Variants in GPC6 observed in about 807,000 individuals in gnomAD.
The protein encoded by GPC6 is glypican 6.
In GPC6, 14 loss-of-function variants were observed where a neutral mutation model predicts 55.2. The ratio of observed to expected loss-of-function variants is 0.25; its 90% CI spans 0.17 to 0.40. The LOEUF is 0.40. GPC6 is among the 10% of genes least tolerant of loss of function. GPC6 has a pLI of 1.00. For synonymous variants in GPC6, 278 were observed against 259.6 expected (o/e 1.07, Z -0.68); for missense variants, 641 against 708.5 (o/e 0.90, Z 1.08).
intron 3 of GPC6, among the ~76,000 whole-genome samples, chr13:93,868,130 G>A (rs1889025720): frequency 6.6e-6 from 1 of 151,704 alleles, no homozygotes; most frequent in Non-Finnish European, 1.5e-5. Context: ...CTAAAAGTTT[G>A]ATGCATAATA....
rs369485227 is a variant in GPC6, at chr13:93,319,722, T to C, written c.160+92106T>C. ...CGGAAGGAAAGGTGCTTCCACATGC[T>C]GAGTGCATTGCCAAATTAATGAAAA... On this transcript the variant is annotated intron_variant, in intron 1 of 8. Coordinates refer to ENST00000377047, the MANE Select transcript of GPC6 (RefSeq NM_005708.5). Among the ~76,000 whole-genome samples, 20 of 152,252 alleles carry C rather than the reference T, an allele frequency of 1.3e-4. No individual in the cohort carries two copies. The East Asian group carries it at 1.7e-3, about 13-fold the overall frequency.
intron 1 of GPC6, among the ~76,000 whole-genome samples, chr13:93,536,638 G>A (rs1301485308): frequency 1.3e-5 from 2 of 152,104 alleles, no homozygotes; most frequent in African/African-American, 2.4e-5. Flanking sequence ...GGGCATTTTG[G>A]TTGTTTCAAC....
intron 1 of GPC6, among the ~76,000 whole-genome samples, chr13:93,420,412 A>C (rs1876883393): frequency 6.6e-6 from 1 of 152,108 alleles, no homozygotes. Context: ...AATGGCTTTC[A>C]AAGCAGAAGG....
chr13:93,703,325 A>C (rs550163610), intron 2 of GPC6, among the ~76,000 whole-genome samples: 1 of 151,930 alleles, frequency 6.6e-6, no homozygotes, highest in African/African-American at 2.4e-5. Flanking sequence ...AGCAATTACA[A>C]TTGTTAATAT....
At chr13:94,295,182 A>G (rs1021950656) in intron 5 of GPC6, among the ~76,000 whole-genome samples, 5 of 152,086 alleles carry the variant, frequency 3.3e-5, no homozygotes, top group Non-Finnish European at 7.4e-5. Flanking sequence ...ATTTGGGGCA[A>G]ATTTTTTATC....
chr13:93,742,024 G>A (rs1884221557), intron 2 of GPC6, among the ~76,000 whole-genome samples: 1 of 152,210 alleles, frequency 6.6e-6, no homozygotes, highest in African/African-American at 2.4e-5. Flanking sequence ...CTTGAGAGTT[G>A]CTTGATTAGC....
At chr13:93,344,022 T>A (rs1880350606) in intron 1 of GPC6, among the ~76,000 whole-genome samples, 1 of 152,208 alleles carries the variant, frequency 6.6e-6, no homozygotes, top group South Asian at 2.1e-4. Context: ...ATGGTGCCAG[T>A]TGGGATTTGA....
chr13:93,536,401 G>GC (rs953593950), intron 1 of GPC6, among the ~76,000 whole-genome samples: 5 of 151,898 alleles, frequency 3.3e-5, no homozygotes, highest in African/African-American at 4.8e-5. Flanking sequence ...ATTTTCTCCT[G>GC]CCCCCCAGCC....
intron 2 of GPC6, among the ~76,000 whole-genome samples, chr13:93,803,315 A>G (rs913459671): frequency 6.6e-6 from 1 of 152,336 alleles, no homozygotes; most frequent in South Asian, 2.1e-4. Flanking sequence ...TTGAAAGAAG[A>G]TATAGAAATA....
At chr13:94,214,147 GT>G (rs1890163259) in intron 4 of GPC6, among the ~76,000 whole-genome samples, 1 of 152,222 alleles carries the variant, frequency 6.6e-6, no homozygotes, top group African/African-American at 2.4e-5. Context: ...TTTGATTTAT[GT>G]TTCTCCATAA....
At chr13:94,323,963 G>A (rs1011461493) in intron 6 of GPC6, among the ~76,000 whole-genome samples, 8 of 152,078 alleles carry the variant, frequency 5.3e-5, no homozygotes, top group Admixed American at 1.3e-4. Flanking sequence ...AGCTTTTCTC[G>A]GCACATTTAG....
intron 1 of GPC6, among the ~76,000 whole-genome samples, chr13:93,492,620 C>A (rs1265335221): frequency 6.7e-6 from 1 of 150,214 alleles, no homozygotes; most frequent in African/African-American, 2.5e-5. Flanking sequence ...GGGAATGCTT[C>A]TAGTTTTTGC....
intron 2 of GPC6, among the ~76,000 whole-genome samples, chr13:93,825,346 G>A (rs1272656302): frequency 1.3e-5 from 2 of 152,150 alleles, no homozygotes; most frequent in Non-Finnish European, 2.9e-5. Context: ...AGCTCAAAAT[G>A]AGCACAGTGC....
At chr13:93,667,170 A>G (rs867102252) in intron 2 of GPC6, among the ~76,000 whole-genome samples, 17 of 152,334 alleles carry the variant, frequency 1.1e-4, no homozygotes, top group Admixed American at 3.3e-4. Context: ...TAGCTTAAAT[A>G]AAAAGCTGTG....
intron 2 of GPC6, among the ~76,000 whole-genome samples, chr13:93,805,448 G>A (rs548080996): frequency 6.6e-6 from 1 of 151,914 alleles, no homozygotes; most frequent in Non-Finnish European, 1.5e-5. Context: ...ATAATGTTTG[G>A]GGGAATCATA....
chr13:93,888,462 C>T (rs1007674608), intron 3 of GPC6, among the ~76,000 whole-genome samples: 5 of 152,094 alleles, frequency 3.3e-5, no homozygotes, highest in Non-Finnish European at 7.4e-5. Flanking sequence ...TCACTTGTGT[C>T]CAGGAGATTA....
rs571212006 is a variant in GPC6, at chr13:93,587,997, C to T, written c.319+42576C>T. Reference sequence around the variant, plus strand: ...CACAAGTGAACTTCTTTTAGCCTCCCTCCCATACTGGGATTTCAGAACCCC... The same window carrying T: ...CACAAGTGAACTTCTTTTAGCCTCCTTCCCATACTGGGATTTCAGAACCCC... On this transcript the variant is annotated intron_variant, in intron 2 of 8. Transcript: ENST00000377047. 2.6e-5 allele frequency among the ~76,000 whole-genome samples: 4 copies of T among 152,300 alleles called. No individual in the cohort carries two copies. The South Asian group carries it at 8.3e-4, about 32-fold the overall frequency.
At chr13:93,251,550 A>T (rs1876787588) in intron 1 of GPC6, among the ~76,000 whole-genome samples, 1 of 152,224 alleles carries the variant, frequency 6.6e-6, no homozygotes, top group Non-Finnish European at 1.5e-5. Context: ...TTCCTTGCAG[A>T]TACTACTATA....
At chr13:93,276,879 A>G (rs1278973039) in intron 1 of GPC6, among the ~76,000 whole-genome samples, 2 of 152,138 alleles carry the variant, frequency 1.3e-5, no homozygotes, top group Non-Finnish European at 2.9e-5. Flanking sequence ...TTTTCCTGCT[A>G]TTCTCTTAGG....
Sources: allele counts gnomAD v4.1 joint callset (sites outside exome capture counted in the v4.1 genomes callset), GRCh38; gene constraint gnomAD v4.1.1; transcripts MANE v1.5; gene names NCBI Gene and HGNC (gene_info 2026-07-23, HGNC 2026-07-21).